CADM2: variants seen among roughly 807,000 people sequenced by gnomAD.
CADM2 encodes cell adhesion molecule 2.
CADM2 carries 12 observed loss-of-function variants against 49.8 expected under a neutral mutation model. The observed-to-expected ratio is 0.24, with a 90% CI of 0.15 to 0.39. CADM2 has a LOEUF of 0.39. CADM2 is among the 10% of genes least tolerant of loss of function. The pLI is 1.00. For missense variants in CADM2, 378 were observed against 492.3 expected (o/e 0.77, Z 2.20); for synonymous variants, 214 against 175.4 (o/e 1.22, Z -1.74).
intron 1 of CADM2, among the ~76,000 whole-genome samples, chr3:85,414,221 T>A (rs908506946): frequency 6.6e-6 from 1 of 152,192 alleles, no homozygotes; most frequent in Non-Finnish European, 1.5e-5. Flanking sequence ...AACACTGTTC[T>A]TTACGATATC....
At chr3:85,347,807 G>GTTT (rs143346387) in intron 1 of CADM2, among the ~76,000 whole-genome samples, 1 of 103,212 alleles carries the variant, frequency 9.7e-6, no homozygotes, top group African/African-American at 3.1e-5. Flanking sequence ...ACATCCGCCA[G>GTTT]TTTTTTGTTT....
At chr3:85,416,284 T>C (rs1319669555) in intron 1 of CADM2, among the ~76,000 whole-genome samples, 1 of 152,132 alleles carries the variant, frequency 6.6e-6, no homozygotes, top group Non-Finnish European at 1.5e-5. Flanking sequence ...ATTACTGATC[T>C]CTCTTATTCT....
chr3:85,240,005 A>G (rs986576436), intron 1 of CADM2, among the ~76,000 whole-genome samples: 1 of 151,462 alleles, frequency 6.6e-6, no homozygotes, highest in Non-Finnish European at 1.5e-5. Flanking sequence ...AGTAAGAATG[A>G]ATGAGATTTC....
chr3:85,062,912 T>C (rs930826434), intron 1 of CADM2, among the ~76,000 whole-genome samples: 4 of 151,000 alleles, frequency 2.6e-5, no homozygotes, highest in African/African-American at 9.9e-5. Flanking sequence ...TTGCTGTGAA[T>C]CAATTATGAA....
intron 1 of CADM2, among the ~76,000 whole-genome samples, chr3:85,382,009 T>C (rs980258605): frequency 1.3e-5 from 2 of 151,982 alleles, no homozygotes; most frequent in South Asian, 4.2e-4. Context: ...TCATGACAAT[T>C]GGTGCTAAAA....
intron 1 of CADM2, among the ~76,000 whole-genome samples, chr3:85,494,306 A>G (rs2039796293): frequency 6.6e-6 from 1 of 152,236 alleles, no homozygotes; most frequent in South Asian, 2.1e-4. Flanking sequence ...CAGTCAAAAT[A>G]TAATTATTTT....
At chr3:85,669,083 A>G (rs547490826) in intron 1 of CADM2, among the ~76,000 whole-genome samples, 65 of 152,186 alleles carry the variant, frequency 4.3e-4, no homozygotes, top group African/African-American at 1.5e-3. Context: ...GTTGCCTTTA[A>G]ACTTGTTTAC....
At position 85,321,114 on chromosome 3, in the gene CADM2, ATATTTTTTTTTTTTTTTTTTTTTTT is replaced by A. The variant is rs2044594973; in HGVS notation, c.61+361448_61+361472del. Among the ~76,000 whole-genome samples the A allele has an allele frequency of 5.9e-4, 20 of 34,162 alleles. 1 individual carries two copies. Among genetic ancestry groups the A allele is most frequent in the African/African-American group, 1.0e-3 (14 of 13,444 alleles). 22.4% of individuals were successfully genotyped at this position (34,162 alleles called of 152,430 possible). On this transcript the variant is annotated intron_variant, in intron 1 of 9. Transcript: ENST00000383699. ...TACATATATATATATATATATATAT[ATATTTTTTTTTTTTTTTTTTTTTTT>A]TTTTTTTTTTTTTTTTTTTTTTTTT...
In CADM2 at chr3:85,568,411, C is replaced by CTTTCTTTCTT. The variant is rs2062342539; in HGVS notation, c.62-158109_62-158100dup. ...TTCCTTCCTCCCTCTTTCTTTCTTT[C>CTTTCTTTCTT]TTTCTTTCTTTCTTTCTTTCTTTCT... On this transcript the variant is annotated intron_variant, in intron 1 of 9. Transcript: ENST00000383699. Among the ~76,000 whole-genome samples, 3 of 27,520 alleles carry CTTTCTTTCTT rather than the reference C, an allele frequency of 1.1e-4. 1 individual carries two copies. The highest frequency in any genetic ancestry group is 3.3e-4 in the African/African-American group (3 of 9,100). 18.1% of individuals were successfully genotyped at this position (27,520 alleles called of 152,430 possible).
intron 1 of CADM2, among the ~76,000 whole-genome samples, chr3:85,661,064 G>T (rs1320675015): frequency 1.3e-5 from 2 of 152,084 alleles, no homozygotes; most frequent in Non-Finnish European, 2.9e-5. Flanking sequence ...TGTATTGCAT[G>T]AGGCAATTTT....
chr3:85,046,268 C>T (rs527342889), intron 1 of CADM2, among the ~76,000 whole-genome samples: 63 of 151,314 alleles, frequency 4.2e-4, no homozygotes, highest in African/African-American at 1.5e-3. Context: ...TTCAGTAAAC[C>T]AAATCTTTAC....
intron 1 of CADM2, among the ~76,000 whole-genome samples, chr3:85,383,435 G>C (rs1051837289): frequency 6.7e-6 from 1 of 149,494 alleles, no homozygotes; most frequent in Non-Finnish European, 1.5e-5. Context: ...AAATATATCA[G>C]TCATATTTTA....
intron 8 of CADM2, among the ~76,000 whole-genome samples, chr3:86,044,880 T>TA (rs1736453062): frequency 1.3e-5 from 2 of 152,026 alleles, no homozygotes; most frequent in Admixed American, 1.3e-4. Context: ...TATGCAGCCA[T>TA]AAAAAATGAT....
intron 8 of CADM2, among the ~76,000 whole-genome samples, chr3:86,051,674 A>C (rs1466582756): frequency 6.6e-6 from 1 of 152,144 alleles, no homozygotes; most frequent in Non-Finnish European, 1.5e-5. Context: ...GAGGAAGCCC[A>C]GGTAACTTAC....
chr3:85,394,733 T>C (rs1037196041), intron 1 of CADM2, among the ~76,000 whole-genome samples: 2 of 152,192 alleles, frequency 1.3e-5, no homozygotes, highest in African/African-American at 4.8e-5. Context: ...TCATTCTTTA[T>C]AAGCTATTCA....
At chr3:85,980,062 A>G (rs574241566) in intron 8 of CADM2, among the ~76,000 whole-genome samples, 1 of 151,594 alleles carries the variant, frequency 6.6e-6, no homozygotes, top group South Asian at 2.1e-4. Context: ...TTAAAAAAAA[A>G]TGAAGCCATT....
At chr3:85,591,306 T>G (rs906530700) in intron 1 of CADM2, among the ~76,000 whole-genome samples, 1 of 152,004 alleles carries the variant, frequency 6.6e-6, no homozygotes, top group Non-Finnish European at 1.5e-5. Flanking sequence ...GAGTATGTAC[T>G]TTTGGAAGTC....
intron 1 of CADM2, among the ~76,000 whole-genome samples, chr3:85,329,775 C>T (rs1323459026): frequency 6.6e-5 from 10 of 151,866 alleles, no homozygotes; most frequent in Non-Finnish European, 1.2e-4. Flanking sequence ...AGTAATTTTA[C>T]AATGAAAACA....
intron 2 of CADM2, among the ~76,000 whole-genome samples, chr3:85,782,679 G>GA (rs1398718851): frequency 6.8e-6 from 1 of 148,120 alleles, no homozygotes; most frequent in East Asian, 2.0e-4. Context: ...AAAAAAAAAA[G>GA]AAAAAAGAAA....
Sources: gnomAD v4.1 joint callset for allele counts (sites outside exome capture counted in the v4.1 genomes callset) on GRCh38, gnomAD v4.1.1 for gene constraint, MANE v1.5 for transcripts, NCBI Gene and HGNC (gene_info 2026-07-23, HGNC 2026-07-21) for gene names.